Variants in PRR16 observed in about 807,000 individuals in gnomAD.
PRR16 encodes protein Largen.
In PRR16, 6 loss-of-function variants were observed where a neutral mutation model predicts 18.2. The ratio of observed to expected loss-of-function variants is 0.33; its 90% confidence interval spans 0.18 to 0.65. PRR16 has a LOEUF of 0.65. Among genes scored for constraint, PRR16 ranks in the 30% least tolerant of loss-of-function variants. PRR16 has a pLI of 0.74. For missense variants in PRR16, 412 were observed against 376.6 expected, an observed-to-expected ratio of 1.09 and a Z score of -0.78; for synonymous variants, 151 against 147.8, an observed-to-expected ratio of 1.02 and a Z score of -0.16.
chr5:120,733,169 A>AT, the PRR16 span, among the ~76,000 whole-genome samples: 1 of 152,108 alleles, frequency 6.6e-6, no homozygotes, highest in Non-Finnish European at 1.5e-5. Flanking sequence ...TTTTTGAGAC[A>AT]GAGTCTTGTT....
chr5:120,640,741 T>C (rs1755394496), intron 1 of PRR16, among the ~76,000 whole-genome samples: 1 of 152,150 alleles, frequency 6.6e-6, no homozygotes, highest in South Asian at 2.1e-4. Flanking sequence ...ATGACTTCAC[T>C]ACTCAGAAAA....
chr5:120,709,338 G>A, the PRR16 span, among the ~76,000 whole-genome samples: 3 of 151,860 alleles, frequency 2.0e-5, no homozygotes, highest in Non-Finnish European at 2.9e-5. Flanking sequence ...ATTTTACTTT[G>A]TTATTTTTTA....
chr5:120,701,298 G>A, the PRR16 span, among the ~76,000 whole-genome samples: 1 of 152,130 alleles, frequency 6.6e-6, no homozygotes, highest in African/African-American at 2.4e-5. Flanking sequence ...GTAACAAAAC[G>A]TATTTTGAGA....
chr5:120,680,801 T>C (rs1271967370), intron 1 of PRR16, among the ~76,000 whole-genome samples: 1 of 152,158 alleles, frequency 6.6e-6, no homozygotes, highest in African/African-American at 2.4e-5. Context: ...TAAGACTGAG[T>C]GTGTGGTTTT....
At chr5:120,553,017 C>A (rs920419269) in intron 1 of PRR16, among the ~76,000 whole-genome samples, 1 of 151,756 alleles carries the variant, frequency 6.6e-6, no homozygotes, top group Admixed American at 6.6e-5. Flanking sequence ...TAACTCCGAA[C>A]TCAGACTACT....
chr5:120,722,154 G>T, the PRR16 span, among the ~76,000 whole-genome samples: 1,770 of 152,124 alleles, frequency 0.012, 36 homozygotes, highest in African/African-American at 0.039. Context: ...AGTTTGCTGA[G>T]AATGATGGTT....
chr5:120,753,383 A>G, the PRR16 span, among the ~76,000 whole-genome samples: 3 of 151,972 alleles, frequency 2.0e-5, no homozygotes, highest in East Asian at 5.8e-4. Flanking sequence ...AAGAGGAAGA[A>G]CAGGTACGTA....
At chr5:120,746,846 A>G in the PRR16 span, among the ~76,000 whole-genome samples, 1 of 152,166 alleles carries the variant, frequency 6.6e-6, no homozygotes. Context: ...TTGAGAACAA[A>G]TGAAAACAAA....
the PRR16 span, among the ~76,000 whole-genome samples, chr5:120,783,560 T>TA: frequency 6.6e-6 from 1 of 152,136 alleles, no homozygotes; most frequent in Admixed American, 6.5e-5. Context: ...ATCTATCTTT[T>TA]AAAAAAATTT....
chr5:120,666,408 G>T (rs1420623517), intron 1 of PRR16, among the ~76,000 whole-genome samples: 1 of 151,884 alleles, frequency 6.6e-6, no homozygotes, highest in East Asian at 2.0e-4. Context: ...CTGCAAACAG[G>T]GACAATTTGA....
intron 1 of PRR16, among the ~76,000 whole-genome samples, chr5:120,504,525 G>A (rs540876261): frequency 6.6e-6 from 1 of 152,318 alleles, no homozygotes; most frequent in East Asian, 1.9e-4. Flanking sequence ...TGACTGGGAT[G>A]ACATGTCTTT....
At chr5:120,636,489 G>A (rs925166249) in intron 1 of PRR16, among the ~76,000 whole-genome samples, 15 of 151,684 alleles carry the variant, frequency 9.9e-5, no homozygotes, top group African/African-American at 3.1e-4. Context: ...AATACTTAAA[G>A]CTGACTTATC....
At chr5:120,664,479 T>A (rs1756292263) in intron 1 of PRR16, among the ~76,000 whole-genome samples, 1 of 151,750 alleles carries the variant, frequency 6.6e-6, no homozygotes. Context: ...TATTATACTT[T>A]AAGTTTTAGG....
intron 1 of PRR16, among the ~76,000 whole-genome samples, chr5:120,622,381 T>A (rs1260288012): frequency 2.0e-5 from 3 of 152,142 alleles, no homozygotes; most frequent in Non-Finnish European, 4.4e-5. Flanking sequence ...AGTTGTGTCT[T>A]ATTCATTACT....
chr5:120,732,297 G>C, the PRR16 span, among the ~76,000 whole-genome samples: 4 of 152,160 alleles, frequency 2.6e-5, no homozygotes, highest in African/African-American at 7.2e-5. Flanking sequence ...CACGCTTAAC[G>C]TGAGTAGGAG....
At chr5:120,783,611 A>T in the PRR16 span, among the ~76,000 whole-genome samples, 1 of 152,266 alleles carries the variant, frequency 6.6e-6, no homozygotes, top group East Asian at 1.9e-4. Context: ...AGTTGTATGT[A>T]TTTAAGGGGT....
intron 1 of PRR16, among the ~76,000 whole-genome samples, chr5:120,620,840 A>G (rs1257117759): frequency 1.3e-5 from 2 of 152,128 alleles, no homozygotes; most frequent in Non-Finnish European, 2.9e-5. Context: ...TACCAACTAT[A>G]TATGAATGAA....
intron 1 of PRR16, among the ~76,000 whole-genome samples, chr5:120,522,293 G>A (rs1253842855): frequency 6.6e-6 from 1 of 152,190 alleles, no homozygotes; most frequent in Non-Finnish European, 1.5e-5. Flanking sequence ...CACCAACAGT[G>A]TAAAAGTGTT....
At chr5:120,633,334 A>C (rs1487337142) in intron 1 of PRR16, among the ~76,000 whole-genome samples, 3 of 152,200 alleles carry the variant, frequency 2.0e-5, no homozygotes, top group Admixed American at 2.0e-4. Flanking sequence ...TATTCAGGAA[A>C]CAAACAGCAT....
Sources: allele counts gnomAD v4.1 joint callset (sites outside exome capture counted in the v4.1 genomes callset), GRCh38; gene constraint gnomAD v4.1.1; transcripts MANE v1.5; gene names NCBI Gene and HGNC (gene_info 2026-07-23, HGNC 2026-07-21).